Variants in CPA4 observed in about 807,000 individuals in gnomAD.
The protein encoded by CPA4 is carboxypeptidase A3.
CPA4 carries 49 observed loss-of-function variants against 54.7 expected under a neutral mutation model. The ratio of observed to expected loss-of-function variants is 0.90; its 90% confidence interval spans 0.71 to 1.14. The LOEUF (loss-of-function observed/expected upper bound fraction) is 1.14, where lower values mean the gene tolerates loss of function less well. Among genes scored for constraint, CPA4 ranks in the 50% most tolerant of loss-of-function variants. CPA4 has a pLI of 0.00. For missense variants in CPA4, 487 were observed against 525.1 expected (o/e 0.93, Z 0.71); for synonymous variants, 215 against 206.8 (o/e 1.04, Z -0.34).
Position 130,293,257 on chromosome 7 carries a change from C to A in CPA4, c.68+9C>A. ...CAAGAAAAATTTTTTGGGTAAGTTC[C>A]TTTTGGACTTATTATTTGGTTATTT... is the stretch of plus-strand genomic sequence containing the variant. On this transcript the variant is annotated intron_variant, in intron 1 of 10. Coordinates refer to ENST00000222482, the MANE Select transcript of CPA4 (RefSeq NM_016352.4). The A allele has an allele frequency of 6.5e-7, 1 of 1,535,272 alleles. No individual in the cohort carries two copies. The highest frequency in any genetic ancestry group is 9.0e-7 in the Non-Finnish European group (1 of 1,108,602).
chr7:130,315,794 G>A (rs1274036986), intron 10 of CPA4, among the ~76,000 whole-genome samples: 2 of 152,188 alleles, frequency 1.3e-5, no homozygotes, highest in African/African-American at 4.8e-5. Flanking sequence ...GGAAAGAAGG[G>A]GGTTTAGTGT....
At chr7:130,311,224 C>T (rs372397075) in intron 9 of CPA4, among the ~76,000 whole-genome samples, 7 of 152,174 alleles carry the variant, frequency 4.6e-5, no homozygotes, top group Non-Finnish European at 8.8e-5. Context: ...CCCGCCTTTC[C>T]GTCTCCCTTG....
At chr7:130,311,499 C>T (rs1413195792) in intron 9 of CPA4, among the ~76,000 whole-genome samples, 2 of 152,192 alleles carry the variant, frequency 1.3e-5, no homozygotes, top group Non-Finnish European at 2.9e-5. Context: ...AGGCTCACGG[C>T]AAAGTGCGGG....
At chr7:130,308,731 T>TATTTTTTTTTTTTTTTC (rs1562930687) in intron 8 of CPA4, among the ~76,000 whole-genome samples, 13 of 135,400 alleles carry the variant, frequency 9.6e-5, no homozygotes, top group African/African-American at 3.7e-4. Flanking sequence ...CTATTTTTTT[T>TATTTTTTTTTTTTTTTC]CAGTAGAGAT....
intron 8 of CPA4, among the ~76,000 whole-genome samples, chr7:130,308,888 C>A (rs1381083151): frequency 1.4e-5 from 2 of 143,160 alleles, no homozygotes; most frequent in Non-Finnish European, 3.0e-5. Context: ...TGCTCCATCG[C>A]CCAGGCTGGA....
chr7:130,296,843 C>G (rs543623213), intron 1 of CPA4, among the ~76,000 whole-genome samples: 5 of 151,688 alleles, frequency 3.3e-5, no homozygotes, highest in African/African-American at 9.7e-5. Flanking sequence ...AAAGATACCC[C>G]CTCTTTGGAG....
At position 130,299,317 on chromosome 7, in the gene CPA4, C is replaced by T. The variant is rs140996766; in HGVS notation, c.198C>T (p.Val66=). ...SPSSFNRPVD[V]LVPSVSLQAF... is the part of the protein sequence containing the mutation. ...CCTCCTTCAATCGGCCTGTGGATGT[C>T]CTGGTCCCATCTGTCAGTCTGCAGG... Residue 66 remains valine (V), a synonymous_variant, in exon 3 of 11, where the codon GTC becomes GTT. Coordinates refer to ENST00000222482, the MANE Select transcript of CPA4 (RefSeq NM_016352.4). 6.2e-7 allele frequency: 1 copy of T among 1,613,280 alleles called. No homozygotes were observed. Among genetic ancestry groups the T allele is most frequent in the African/African-American group, 1.3e-5 (1 of 75,020 alleles).
intron 5 of CPA4, 145 bp downstream of exon 5, chr7:130,304,724 G>A (rs1018650694): frequency 1.6e-6 from 1 of 643,862 alleles, no homozygotes; most frequent in Non-Finnish European, 2.8e-6. Flanking sequence ...GCTGGAACTT[G>A]GTCTGACAGA....
At chr7:130,314,331 G>C (rs1793956911) in intron 10 of CPA4, among the ~76,000 whole-genome samples, 1 of 152,218 alleles carries the variant, frequency 6.6e-6, no homozygotes, top group African/African-American at 2.4e-5. Flanking sequence ...CTTGGGGCTT[G>C]AGGTGTTGTA....
At chr7:130,303,905 G>A (rs956601711) in intron 4 of CPA4, among the ~76,000 whole-genome samples, 2 of 151,926 alleles carry the variant, frequency 1.3e-5, no homozygotes, top group Non-Finnish European at 1.5e-5. Context: ...GCCTCCCAAA[G>A]TGTTGGGATT....
intron 3 of CPA4, 81 bp from the exon 4 acceptor site, chr7:130,300,735 C>A: frequency 1.1e-6 from 1 of 915,298 alleles, no homozygotes; most frequent in Non-Finnish European, 1.8e-6. Context: ...TCTTGGCTGA[C>A]CCATATGCAA....
chr7:130,318,434 T>G (rs1794024783), intron 10 of CPA4, among the ~76,000 whole-genome samples: 1 of 152,158 alleles, frequency 6.6e-6, no homozygotes, highest in Non-Finnish European at 1.5e-5. Context: ...GAAATGGAGT[T>G]TCGTTTCGCT....
intron 10 of CPA4, among the ~76,000 whole-genome samples, chr7:130,312,428 A>G (rs1793929457): frequency 1.3e-5 from 2 of 152,102 alleles, no homozygotes; most frequent in African/African-American, 4.8e-5. Flanking sequence ...GAGATGGACA[A>G]ACATTGAGCC....
intron 1 of CPA4, among the ~76,000 whole-genome samples, chr7:130,296,782 G>A (rs1358153546): frequency 7.3e-6 from 1 of 137,800 alleles, no homozygotes; most frequent in East Asian, 2.3e-4. Context: ...TGAACTCCTG[G>A]GCTCAAGCAA....
At position 130,301,045 on chromosome 7, in the gene CPA4, T is replaced by G. The variant is rs1323152065; in HGVS notation, c.384+131T>G. On this transcript the variant is annotated intron_variant, in intron 4 of 10. Coordinates refer to ENST00000222482, the MANE Select transcript of CPA4 (RefSeq NM_016352.4). ...ACTGAGGGGCTAAAATGTGTACACT[T>G]CAATTCCTTTCTAATTCTTGGATTG... 3 of 632,504 alleles carry G rather than the reference T, an allele frequency of 4.7e-6. No homozygotes were observed. The African/African-American group carries it at 5.5e-5, about 12-fold the overall frequency. The allele number at this position is 632,504 out of a possible 1,614,324, so 39.2% of individuals were successfully genotyped here.
rs1441338005 is a variant in CPA4, at chr7:130,310,036, G to A, written c.794-751G>A. ...TCCACCTCAGCCTCTCAAAGTGCTGGGATTATAGACATGAGGCACTGTGCC... is the reference window on the plus strand; with the variant it reads ...TCCACCTCAGCCTCTCAAAGTGCTGAGATTATAGACATGAGGCACTGTGCC... On this transcript the variant is annotated intron_variant, in intron 8 of 10. Coordinates refer to ENST00000222482, the MANE Select transcript of CPA4 (RefSeq NM_016352.4). This position sits in a 1 kb window ranked among gnomAD's most constrained non-coding sequence, Gnocchi z 4.3. Among the ~76,000 whole-genome samples, 1 of 152,130 alleles carries A rather than the reference G, an allele frequency of 6.6e-6. No individual in the cohort carries two copies. The highest frequency in any genetic ancestry group is 2.4e-5 in the African/African-American group (1 of 41,424).
intron 6 of CPA4, 136 bp from the exon 7 acceptor site, chr7:130,306,651 G>A: frequency 1.6e-6 from 1 of 609,584 alleles, no homozygotes; most frequent in Non-Finnish European, 2.9e-6. Context: ...GGGTGGCAGG[G>A]AGGCTTTTGA....
Position 130,298,773 on chromosome 7 carries a change from A to T in CPA4, c.96A>T (p.Arg32Ser). 1.2e-6 allele frequency: 2 copies of T among 1,612,218 alleles called. No individual in the cohort carries two copies. Among genetic ancestry groups the T allele is most frequent in the Non-Finnish European group, 8.5e-7 (1 of 1,178,288 alleles). ...ACCAAGTTTTGAGGATTAATGTCAGAAATGGAGACGAGATCAGCAAATTGA... is the reference window on the plus strand; with the variant it reads ...ACCAAGTTTTGAGGATTAATGTCAGTAATGGAGACGAGATCAGCAAATTGA... The part of the protein sequence containing the change: ...FGDQVLRINV[R>S]NGDEISKLSQ... The change falls in exon 2 of 11, where the codon AGA becomes AGT. Residue 32 changes from arginine to serine, a missense_variant. Physicochemically the swap from Arg to Ser is moderately radical, Grantham distance 110. Transcript: ENST00000222482.
At chr7:130,308,270 C>G (rs764410049) in intron 7 of CPA4, 37 bp from the exon 8 acceptor site, 1 of 1,560,828 alleles carries the variant, frequency 6.4e-7, no homozygotes, top group Non-Finnish European at 8.8e-7. Context: ...TCTGATCTGC[C>G]TCTGGTTGTT....
Sources: gnomAD v4.1 joint callset for allele counts (sites outside exome capture counted in the v4.1 genomes callset) on GRCh38, gnomAD v4.1.1 for gene constraint, Gnocchi (gnomAD v3.1) non-coding constraint, MANE v1.5 for transcripts, NCBI Gene and HGNC (gene_info 2026-07-23, HGNC 2026-07-21) for gene names.